The following BRCA1 variants were observed in gnomAD, a reference collection of about 807,000 sequenced individuals.
The protein encoded by BRCA1 is BRCA1 DNA repair associated, also known as breast cancer type 1 susceptibility protein.
Under a neutral mutation model 173.7 loss-of-function variants are expected in BRCA1, and 140 were observed. That is an observed-to-expected ratio of 0.81 (90% CI 0.70 to 0.93). The LOEUF (loss-of-function observed/expected upper bound fraction) is 0.93, where lower values mean the gene tolerates loss of function less well. Among genes scored for constraint, BRCA1 ranks in the 40% least tolerant of loss-of-function variants. The pLI, the probability that BRCA1 is intolerant of heterozygous loss-of-function variation, is 0.00. For synonymous variants in BRCA1, 662 were observed against 756.0 expected, an observed-to-expected ratio of 0.88 and a Z score of 2.04; for missense variants, 1,983 against 2,172.5, an observed-to-expected ratio of 0.91 and a Z score of 1.73.
Position 43,081,374 on chromosome 17 carries a change from A to G in BRCA1, c.4357+1030T>C, listed in dbSNP as rs1338453589. ...CAAGAGCTACTGTTTCTTCCTGAAC[A>G]CAAAAATACTGCAAGGCACAACTGG... On this transcript the variant is annotated intron_variant, in intron 12 of 22. Coordinates refer to ENST00000357654, the MANE Select transcript of BRCA1 (RefSeq NM_007294.4). Among the ~76,000 whole-genome samples the G allele has an allele frequency of 2.0e-5, 3 of 152,224 alleles. No homozygotes were observed. In the East Asian group the frequency reaches 5.8e-4, roughly 29 times the overall value.
chr17:43,122,556 G>C (rs1308868742), intron 2 of BRCA1, among the ~76,000 whole-genome samples: 1 of 152,124 alleles, frequency 6.6e-6, no homozygotes, highest in African/African-American at 2.4e-5. Flanking sequence ...GTGTGCTGGG[G>C]GTGTGGTAAT....
In BRCA1 at chr17:43,093,081, C is replaced by T. The variant is rs1060502365; in HGVS notation, c.2450G>A (p.Gly817Asp). 6.2e-7 allele frequency: 1 copy of T among 1,613,700 alleles called. No homozygotes were observed. Among genetic ancestry groups the T allele is most frequent in the Non-Finnish European group, 8.5e-7 (1 of 1,179,974 alleles). ...AFENPKGLIH[G>D]CSKDNRNDTE... ...GTCATTTCTATTATCTTTGGAACAA[C>T]CATGAATTAGTCCCTTGGGGTTTTC... Residue 817 changes from glycine (G) to aspartate (D), a missense_variant, in exon 10 of 23, where the codon GGT becomes GAT. Gly to Asp is a moderately conservative substitution (Grantham distance 94). Coordinates refer to ENST00000357654, the MANE Select transcript of BRCA1 (RefSeq NM_007294.4).
In BRCA1 at chr17:43,093,883, TAGTAATATTCA is replaced by T; in HGVS notation, c.1637_1647del (p.Met546LysfsTer2). On this transcript the variant is annotated frameshift_variant, in exon 10 of 23. Transcript: ENST00000357654. LOFTEE classifies it high-confidence loss of function. ...TTTGTTTTATTCTCATGACCACTAT[TAGTAATATTCA>T]TCACTTGACCATTCTGCTCCGTTTG... 1 of 1,613,940 alleles carries T rather than the reference TAGTAATATTCA, an allele frequency of 6.2e-7. No individual in the cohort carries two copies.
At position 43,063,917 on chromosome 17, in the gene BRCA1, A is replaced by G. The variant is rs80356974; in HGVS notation, c.5109T>C (p.Tyr1703=). 1 of 1,614,160 alleles carries G rather than the reference A, an allele frequency of 6.2e-7. No individual in the cohort carries two copies. Among genetic ancestry groups the G allele is most frequent in the Non-Finnish European group, 8.5e-7 (1 of 1,180,006 alleles). The change falls in exon 17 of 23, where the codon TAT becomes TAC. Residue 1703 remains tyrosine (Y), a synonymous_variant. Transcript: ENST00000357654. ...AEFVCERTLK[Y]FLGIAGGKWV... is the part of the protein sequence containing the mutation. Reference sequence around the variant, plus strand: ...ATTTTCCTCCCGCAATTCCTAGAAAATATTTCAGTGTCCGTTCACACACAA... The same window carrying G: ...ATTTTCCTCCCGCAATTCCTAGAAAGTATTTCAGTGTCCGTTCACACACAA...
Position 43,092,621 on chromosome 17 carries a change from T to C in BRCA1, c.2910A>G (p.Lys970=), listed in dbSNP as rs431825394. 2.5e-6 allele frequency: 4 copies of C among 1,614,058 alleles called. No individual in the cohort carries two copies. The highest frequency in any genetic ancestry group is 3.4e-6 in the Non-Finnish European group (4 of 1,179,990). The change falls in exon 10 of 23, where the codon AAA becomes AAG. Residue 970 remains lysine, a synonymous_variant. Coordinates refer to ENST00000357654, the MANE Select transcript of BRCA1 (RefSeq NM_007294.4). ...GATATGGGTTTTGTAAAAGTCCATGTTTATTTGGAGTAATGAGTCCAGTTT... is the reference window on the plus strand; with the variant it reads ...GATATGGGTTTTGTAAAAGTCCATGCTTATTTGGAGTAATGAGTCCAGTTT... ...GNETGLITPN[K]HGLLQNPYRI... is the part of the protein sequence containing the mutation.
At chr17:43,079,226 C>T (rs1376486896) in intron 12 of BRCA1, 4 of 829,798 alleles carry the variant, frequency 4.8e-6, no homozygotes, top group Non-Finnish European at 8.0e-6. Context: ...AGAGGGAAGG[C>T]TCAGATACAA....
intron 6 of BRCA1, among the ~76,000 whole-genome samples, chr17:43,101,844 A>G (rs1459103489): frequency 6.6e-6 from 1 of 152,042 alleles, no homozygotes; most frequent in Non-Finnish European, 1.5e-5. Flanking sequence ...TCATGCACAT[A>G]TAAGTAACAA....
intron 3 of BRCA1, among the ~76,000 whole-genome samples, chr17:43,109,363 A>G (rs899001745): frequency 2.6e-5 from 4 of 151,844 alleles, no homozygotes; most frequent in African/African-American, 4.8e-5. Context: ...TGAAGGTTAT[A>G]TTGGATCCAG....
chr17:43,122,224 T>C (rs2055610936), intron 2 of BRCA1, among the ~76,000 whole-genome samples: 1 of 152,218 alleles, frequency 6.6e-6, no homozygotes, highest in African/African-American at 2.4e-5. Flanking sequence ...GAATTTACCC[T>C]TTTTTATTGT....
intron 18 of BRCA1, among the ~76,000 whole-genome samples, chr17:43,058,851 T>C (rs957368337): frequency 6.6e-6 from 1 of 152,034 alleles, no homozygotes. Context: ...GTCATGGACA[T>C]GAGAATAAAG....
rs180905862 is a variant in BRCA1 at position 43,123,966 on chromosome 17, T to C, written c.80+51A>G. On this transcript the variant is annotated intron_variant, in intron 2 of 22. Coordinates refer to ENST00000357654, the MANE Select transcript of BRCA1 (RefSeq NM_007294.4). ...GTAAGGTCAATTCTGTTCATTTGCA[T>C]AGGAGATAATCATAGGAATCCCAAA... 125 of 1,380,264 alleles carry C rather than the reference T, an allele frequency of 9.1e-5. No individual in the cohort carries two copies. The African/African-American group carries it at 1.5e-3, about 16-fold the overall frequency. The allele number at this position is 1,380,264 out of a possible 1,614,324, so 85.5% of individuals were successfully genotyped here.
chr17:43,140,921 A>G (rs772807904), intron 1 of BRCA1, among the ~76,000 whole-genome samples: 5 of 152,172 alleles, frequency 3.3e-5, no homozygotes, highest in Non-Finnish European at 7.3e-5. Flanking sequence ...TTATTTCATC[A>G]TCCTTTAAAA....
At chr17:43,079,208 T>A (rs916328796) in intron 12 of BRCA1, 2 of 759,328 alleles carry the variant, frequency 2.6e-6, no homozygotes, top group Admixed American at 2.3e-5. Flanking sequence ...ACAAAAAAAA[T>A]GAAAGGCAGA....
At chr17:43,146,642 A>G (rs2056123710) in intron 1 of BRCA1, among the ~76,000 whole-genome samples, 1 of 152,092 alleles carries the variant, frequency 6.6e-6, no homozygotes, top group Admixed American at 6.6e-5. Context: ...TTGTGTACAA[A>G]TTGAAATGTC....
At chr17:43,146,929 G>C (rs910755468) in intron 1 of BRCA1, among the ~76,000 whole-genome samples, 1 of 152,020 alleles carries the variant, frequency 6.6e-6, no homozygotes, top group African/African-American at 2.4e-5. Flanking sequence ...TGGGAACCAT[G>C]AGGGCCCCGT....
chr17:43,074,667 A>G, intron 13 of BRCA1, 146 bp from the exon 14 acceptor site: 2 of 745,714 alleles, frequency 2.7e-6, no homozygotes, highest in Non-Finnish European at 4.5e-6. Context: ...AAGACAGCCT[A>G]GAAGTCTGGA....
At chr17:43,101,153 A>G (rs1012371963) in intron 6 of BRCA1, among the ~76,000 whole-genome samples, 1 of 151,304 alleles carries the variant, frequency 6.6e-6, no homozygotes, top group Non-Finnish European at 1.5e-5. Context: ...TTTTAGCTCT[A>G]TATCTTTTGA....
rs786202068 is a variant in BRCA1 at position 43,091,613 on chromosome 17, C to A, written c.3918G>T (p.Leu1306Phe). ...FSSQCSELED[L>F]TANTNTQDPF... The stretch of plus-strand genomic sequence containing the variant: ...GATCCTGGGTGTTTGTATTTGCAGT[C>A]AAGTCTTCCAATTCACTGCACTGTG... The change falls in exon 10 of 23, where the codon TTG (leucine) becomes TTT (phenylalanine). Residue 1306 changes from leucine (L) to phenylalanine (F), a missense_variant. Physicochemically the swap from Leu to Phe is conservative, Grantham distance 22 (BLOSUM62 0). Coordinates refer to ENST00000357654, the MANE Select transcript of BRCA1 (RefSeq NM_007294.4). 3 of 1,614,206 alleles carry A rather than the reference C, an allele frequency of 1.9e-6. No individual in the cohort carries two copies. The highest frequency in any genetic ancestry group is 2.5e-6 in the Non-Finnish European group (3 of 1,180,036).
At chr17:43,141,389 T>C (rs1167697797) in intron 1 of BRCA1, among the ~76,000 whole-genome samples, 1 of 152,062 alleles carries the variant, frequency 6.6e-6, no homozygotes. Context: ...GAGGATCTTT[T>C]GAGCCCTAGA....
Sources: gnomAD v4.1 joint callset for allele counts (sites outside exome capture counted in the v4.1 genomes callset) on GRCh38, gnomAD v4.1.1 for gene constraint, MANE v1.5 for transcripts, NCBI Gene and HGNC (gene_info 2026-07-23, HGNC 2026-07-21) for gene names.